GHITM: variants seen among roughly 807,000 people sequenced by gnomAD.
The protein encoded by GHITM is growth hormone-inducible transmembrane protein.
In GHITM, 24 loss-of-function variants were observed where a neutral mutation model predicts 38.7. The observed-to-expected ratio is 0.62, with a 90% CI of 0.45 to 0.87. The LOEUF (loss-of-function observed/expected upper bound fraction) is 0.87. Among genes scored for constraint, GHITM ranks in the 40% least tolerant of loss-of-function variants. The pLI, the probability that GHITM is intolerant of heterozygous loss-of-function variation, is 0.00. For synonymous variants in GHITM, 154 were observed against 147.8 expected (o/e 1.04, Z -0.30); for missense variants, 420 against 429.8 (o/e 0.98, Z 0.20).
At chr10:84,144,516 G>T (rs1448446138) in intron 4 of GHITM, among the ~76,000 whole-genome samples, 1 of 152,074 alleles carries the variant, frequency 6.6e-6, no homozygotes, top group Non-Finnish European at 1.5e-5. Context: ...ACCATGCCCG[G>T]CTATTTTTTG....
intron 5 of GHITM, among the ~76,000 whole-genome samples, 147 bp from the exon 6 acceptor site, chr10:84,148,569 TGCAGGCGTGAGCCA>T (rs1841580313): frequency 1.3e-5 from 2 of 152,260 alleles, no homozygotes; most frequent in African/African-American, 4.8e-5. Context: ...GTGCTGGGAT[TGCAGGCGTGAGCCA>T]CCACGCCTGG....
At chr10:84,143,460 TA>T (rs1841527510) in intron 3 of GHITM, among the ~76,000 whole-genome samples, 1 of 152,232 alleles carries the variant, frequency 6.6e-6, no homozygotes, top group South Asian at 2.1e-4. Context: ...CCTTTATGAA[TA>T]CCTCTATTGA....
intron 5 of GHITM, among the ~76,000 whole-genome samples, chr10:84,148,305 T>A (rs989939011): frequency 6.6e-6 from 1 of 151,876 alleles, no homozygotes; most frequent in Non-Finnish European, 1.5e-5. Context: ...TTTATTTTTT[T>A]ATTTTGAGAT....
Position 84,144,887 on chromosome 10 carries a change from G to A in GHITM, c.354G>A (p.Gln118=). 1 of 1,582,026 alleles carries A rather than the reference G, an allele frequency of 6.3e-7. No homozygotes were observed. The highest frequency in any genetic ancestry group is 8.6e-7 in the Non-Finnish European group (1 of 1,161,188). ...ATGTTTCTTACAGAATTTGGCCTCAGTATGTCAAGGATAGAATTCATTCCA... is the reference window on the plus strand; with the variant it reads ...ATGTTTCTTACAGAATTTGGCCTCAATATGTCAAGGATAGAATTCATTCCA... The part of the protein sequence containing the change: ...GAIEKAVIWP[Q]YVKDRIHSTY... The change falls in exon 5 of 9, where the codon CAG becomes CAA. Residue 118 remains glutamine (Q), a synonymous_variant. Coordinates refer to ENST00000372134, the MANE Select transcript of GHITM (RefSeq NM_014394.3).
chr10:84,141,216 A>G (rs1244928807), intron 1 of GHITM, among the ~76,000 whole-genome samples: 2 of 152,240 alleles, frequency 1.3e-5, no homozygotes, highest in Admixed American at 6.5e-5. Flanking sequence ...TGATTGGTCA[A>G]ACTGGGACTT....
Position 84,144,110 on chromosome 10 carries a change from A to C in GHITM, c.341+4A>C. The stretch of plus-strand genomic sequence containing the variant: ...TTGGAGCTATTGAAAAGGCTGTGTA[A>C]GTAAATTGTTTTAAGTAAACTGTTC... On this transcript the variant is annotated splice_donor_region_variant and intron_variant, in intron 4 of 8. Coordinates refer to ENST00000372134, the MANE Select transcript of GHITM (RefSeq NM_014394.3). 6.3e-7 allele frequency: 1 copy of C among 1,586,446 alleles called. No individual in the cohort carries two copies. Among genetic ancestry groups the C allele is most frequent in the Non-Finnish European group, 8.7e-7 (1 of 1,154,738 alleles).
intron 2 of GHITM, among the ~76,000 whole-genome samples, chr10:84,142,103 G>GT (rs1841512655): frequency 6.6e-6 from 1 of 152,184 alleles, no homozygotes; most frequent in Admixed American, 6.5e-5. Context: ...GGTTTGAAGT[G>GT]TGAGGTAATG....
chr10:84,142,019 G>C (rs1257471018), intron 2 of GHITM, among the ~76,000 whole-genome samples: 1 of 152,140 alleles, frequency 6.6e-6, no homozygotes, highest in Non-Finnish European at 1.5e-5. Flanking sequence ...CTTATTTAGA[G>C]GTTGATAATA....
At chr10:84,148,296 TTA>T (rs1491286421) in intron 5 of GHITM, among the ~76,000 whole-genome samples, 15 of 147,610 alleles carry the variant, frequency 1.0e-4, no homozygotes, top group Admixed American at 2.6e-4. Context: ...TTTTTATTTT[TTA>T]TTTTTTTATT....
At chr10:84,146,657 T>C (rs958538464) in intron 5 of GHITM, among the ~76,000 whole-genome samples, 1 of 152,204 alleles carries the variant, frequency 6.6e-6, no homozygotes, top group African/African-American at 2.4e-5. Context: ...GCAAATAATT[T>C]AAAACAATAC....
intron 5 of GHITM, among the ~76,000 whole-genome samples, chr10:84,148,324 G>A (rs901696950): frequency 1.3e-5 from 2 of 151,332 alleles, no homozygotes; most frequent in African/African-American, 2.4e-5. Context: ...ATGGAGTCTC[G>A]CTCTGTCACC....
In GHITM at chr10:84,150,827, G is replaced by A. The variant is rs188887322; in HGVS notation, c.900G>A (p.Lys300=). The change falls in exon 8 of 9, where the codon AAG becomes AAA. Residue 300 remains lysine (K), a synonymous_variant. Transcript: ENST00000372134. ...TGTATGATACCCAGAAAGTAATCAA[G>A]CGTGCAGAAGTATCACCAATGTATG... is the stretch of plus-strand genomic sequence containing the variant. ...FLLYDTQKVI[K]RAEVSPMYGV... is the part of the protein sequence containing the mutation. The A allele has an allele frequency of 3.7e-5, 60 of 1,611,710 alleles. No individual in the cohort carries two copies. The African/African-American group carries it at 7.6e-4, about 20-fold the overall frequency.
At chr10:84,143,033 T>A (rs1841522878) in intron 3 of GHITM, among the ~76,000 whole-genome samples, 1 of 152,198 alleles carries the variant, frequency 6.6e-6, no homozygotes, top group Non-Finnish European at 1.5e-5. Flanking sequence ...GAAAGTTCAT[T>A]TTAAGTGTGT....
At chr10:84,148,886 T>C in intron 6 of GHITM, 48 bp downstream of exon 6, 1 of 1,109,608 alleles carries the variant, frequency 9.0e-7, no homozygotes, top group Non-Finnish European at 1.4e-6. Context: ...CTACCACCTT[T>C]TTTGGGTGGC....
chr10:84,143,895 C>T (rs1023822220), intron 3 of GHITM, 100 bp from the exon 4 acceptor site: 64 of 864,538 alleles, frequency 7.4e-5, no homozygotes, highest in Admixed American at 9.0e-5. Context: ...ATTATGGCTT[C>T]TATTAAATAT....
intron 5 of GHITM, among the ~76,000 whole-genome samples, chr10:84,145,560 T>C (rs1416040134): frequency 6.6e-6 from 1 of 152,220 alleles, no homozygotes; most frequent in East Asian, 1.9e-4. Context: ...ATAAAGCAAA[T>C]GCAAAATCAT....
At chr10:84,151,354 A>G (rs1248929449) in intron 8 of GHITM, among the ~76,000 whole-genome samples, 1 of 152,184 alleles carries the variant, frequency 6.6e-6, no homozygotes, top group Non-Finnish European at 1.5e-5. Context: ...TTAGTAAACT[A>G]TCCAAAAAAA....
In GHITM at chr10:84,150,868, A is replaced by G. The variant is rs1168738021; in HGVS notation, c.941A>G (p.Asp314Gly). 1.2e-6 allele frequency: 2 copies of G among 1,601,462 alleles called. No individual in the cohort carries two copies. The highest frequency in any genetic ancestry group is 1.3e-5 in the African/African-American group (1 of 74,774). ...CCAATGTATGGAGTTCAAAAATATG[A>G]TCCCATTAACTCGTAAGTAATGCTT... ...VSPMYGVQKY[D>G]PINSMLSIYM... is the part of the protein sequence containing the mutation. The change falls in exon 8 of 9, where the codon GAT (aspartate) becomes GGT (glycine). Residue 314 changes from aspartate (D) to glycine (G), a missense_variant. Transcript: ENST00000372134.
At chr10:84,149,172 A>G (rs2132742206) in intron 6 of GHITM, among the ~76,000 whole-genome samples, 1 of 152,354 alleles carries the variant, frequency 6.6e-6, no homozygotes, top group South Asian at 2.1e-4. Context: ...TAGAAAAATT[A>G]AAAACTGAGG....
Sources: allele counts gnomAD v4.1 joint callset (sites outside exome capture counted in the v4.1 genomes callset), GRCh38; gene constraint gnomAD v4.1.1; transcripts MANE v1.5; gene names NCBI Gene and HGNC (gene_info 2026-07-23, HGNC 2026-07-21).